SELENOI: variants seen among roughly 807,000 people sequenced by gnomAD.
SELENOI encodes the protein ethanolaminephosphotransferase 1.
In SELENOI, 24 loss-of-function variants were observed where a neutral mutation model predicts 50.7. That is an observed-to-expected ratio of 0.47 (90% CI 0.34 to 0.67). SELENOI has a LOEUF of 0.67. Among genes scored for constraint, SELENOI ranks in the 30% least tolerant of loss-of-function variants. The probability of loss-of-function intolerance (pLI) is 0.01; values close to 1 mark genes in which losing one functional copy is unlikely to be tolerated. For synonymous variants in SELENOI, 155 were observed against 170.2 expected (o/e 0.91, Z 0.70); for missense variants, 352 against 461.4 (o/e 0.76, Z 2.17).
Position 26,346,294 on chromosome 2 carries a change from C to T in SELENOI, c.57+5C>T, listed in dbSNP as rs1309049900. 3.7e-6 allele frequency: 6 copies of T among 1,605,712 alleles called. No individual in the cohort carries two copies. Among genetic ancestry groups the T allele is most frequent in the Non-Finnish European group, 4.3e-6 (5 of 1,175,016 alleles). ...GCTGGCTTTGATAAGTACAAGGTAC[C>T]GCGGGCCGGCGGATGCCCCTCTCCC... On this transcript the variant is annotated splice_donor_5th_base_variant and intron_variant, in intron 1 of 9. Transcript: ENST00000260585.
At position 26,370,315 on chromosome 2, in the gene SELENOI, C is replaced by G. The variant is rs372412522; in HGVS notation, c.311-3052C>G. ...CTCAATCTTTTCCCCACCTTTCCCCCCTTTCTATTCCACAAAGCCGCCATT... is the reference window on the plus strand; with the variant it reads ...CTCAATCTTTTCCCCACCTTTCCCCGCTTTCTATTCCACAAAGCCGCCATT... On this transcript the variant is annotated intron_variant, in intron 4 of 9. Transcript: ENST00000260585. Among the ~76,000 whole-genome samples the G allele has an allele frequency of 7.5e-3, 1,140 of 151,808 alleles. 76 individuals carry two copies. In the East Asian group the frequency reaches 0.18, roughly 24 times the overall value.
chr2:26,353,412 T>C (rs192727580), intron 1 of SELENOI, among the ~76,000 whole-genome samples: 29 of 152,288 alleles, frequency 1.9e-4, no homozygotes, highest in East Asian at 9.6e-4. Context: ...AGAGCCTCAA[T>C]AGAACATGAG....
At chr2:26,370,645 G>A (rs1274636667) in intron 4 of SELENOI, among the ~76,000 whole-genome samples, 2 of 74,306 alleles carry the variant, frequency 2.7e-5, no homozygotes, top group East Asian at 4.1e-4. Flanking sequence ...CAGACGGGGC[G>A]GCTGGCCGGG....
At chr2:26,372,621 G>A (rs780116188) in intron 4 of SELENOI, among the ~76,000 whole-genome samples, 6 of 152,242 alleles carry the variant, frequency 3.9e-5, no homozygotes, top group Non-Finnish European at 7.3e-5. Flanking sequence ...GGATAGAATA[G>A]ATGTTGTGAC....
chr2:26,377,808 C>T (rs1390956389), intron 6 of SELENOI, among the ~76,000 whole-genome samples: 1 of 152,036 alleles, frequency 6.6e-6, no homozygotes, highest in Non-Finnish European at 1.5e-5. Flanking sequence ...CATCTGGGCC[C>T]ACTTAAGAGT....
intron 1 of SELENOI, among the ~76,000 whole-genome samples, chr2:26,347,367 A>G (rs1676815436): frequency 6.6e-6 from 1 of 151,952 alleles, no homozygotes; most frequent in East Asian, 1.9e-4. Context: ...CATACTAGGC[A>G]CCCAGTAAGC....
intron 1 of SELENOI, 177 bp downstream of exon 1, chr2:26,346,466 C>T: frequency 1.5e-6 from 1 of 681,430 alleles, no homozygotes; most frequent in South Asian, 2.4e-5. Context: ...GTGGGAGCAT[C>T]CTAAGCCCGC....
chr2:26,383,836 T>C (rs1034035841), intron 7 of SELENOI, among the ~76,000 whole-genome samples: 7 of 152,076 alleles, frequency 4.6e-5, no homozygotes, highest in East Asian at 1.9e-4. Context: ...ATCGCGCCAC[T>C]GCACTCCAGC....
rs1265289225 is a variant in SELENOI, at chr2:26,364,768, TGTA to T, written c.127-60_127-58del. 3 of 1,131,186 alleles carry T rather than the reference TGTA, an allele frequency of 2.7e-6. 1 individual carries two copies. In the South Asian group the frequency reaches 4.6e-5, roughly 17 times the overall value. 70.1% of individuals were successfully genotyped at this position (1,131,186 alleles called of 1,614,324 possible). A position where few individuals can be genotyped will look rare whatever the true frequency, so the allele number is the denominator to read the frequency against. On this transcript the variant is annotated intron_variant, in intron 2 of 9. Coordinates refer to ENST00000260585, the MANE Select transcript of SELENOI (RefSeq NM_033505.4). ...TTTATTATGACTTCAGTTTGCATGT[TGTA>T]GTATACATTGGACAGAGATTCCTCT...
intron 1 of SELENOI, among the ~76,000 whole-genome samples, chr2:26,352,461 A>C (rs1574748253): frequency 6.6e-6 from 1 of 152,194 alleles, no homozygotes; most frequent in Admixed American, 6.5e-5. Context: ...AGTTATGTTT[A>C]ATTTGGCCCA....
chr2:26,388,733 A>G (rs1677900845), intron 9 of SELENOI, among the ~76,000 whole-genome samples: 1 of 152,198 alleles, frequency 6.6e-6, no homozygotes. Flanking sequence ...AACTAATCCT[A>G]TAGTTTTTCA....
intron 1 of SELENOI, among the ~76,000 whole-genome samples, chr2:26,355,714 C>T (rs755822618): frequency 1.3e-5 from 2 of 149,296 alleles, no homozygotes; most frequent in Non-Finnish European, 3.0e-5. Context: ...TCTCTGTGGG[C>T]GTAGTTCTTC....
At chr2:26,379,938 A>G (rs1677649840) in intron 6 of SELENOI, among the ~76,000 whole-genome samples, 1 of 152,228 alleles carries the variant, frequency 6.6e-6, no homozygotes, top group African/African-American at 2.4e-5. Flanking sequence ...TACCTAAATC[A>G]GCAAACAGAG....
chr2:26,384,852 G>T, intron 7 of SELENOI, 107 bp from the exon 8 acceptor site: 1 of 716,542 alleles, frequency 1.4e-6, no homozygotes. Flanking sequence ...CAAGATTATT[G>T]TGAGTATAAA....
intron 1 of SELENOI, among the ~76,000 whole-genome samples, chr2:26,361,297 C>T (rs1236386339): frequency 6.6e-6 from 1 of 152,202 alleles, no homozygotes; most frequent in African/African-American, 2.4e-5. Flanking sequence ...CACAGAGAGT[C>T]CTGGGGCCAA....
rs1282250931 is a variant in SELENOI at position 26,395,189 on chromosome 2, T to C, written c.*6086T>C. ...ATTCACTACATATGTATGTATGATA[T>C]ATTCATATATACATGCAGTCTGCTT... On this transcript the variant is annotated 3_prime_UTR_variant, in exon 10 of 10. Transcript: ENST00000260585. The C allele has an allele frequency of 6.6e-6, 1 of 152,216 alleles. No individual in the cohort carries two copies. Among genetic ancestry groups the C allele is most frequent in the Non-Finnish European group, 1.5e-5 (1 of 68,042 alleles). The allele number at this position is 152,216 out of a possible 1,614,324, so 9.4% of individuals were successfully genotyped here.
At chr2:26,372,925 G>T (rs930308759) in intron 4 of SELENOI, among the ~76,000 whole-genome samples, 1 of 152,148 alleles carries the variant, frequency 6.6e-6, no homozygotes, top group Non-Finnish European at 1.5e-5. Context: ...ATCTCGCTCT[G>T]TTGCCCAGAC....
chr2:26,388,666 A>C (rs900538073), intron 9 of SELENOI, among the ~76,000 whole-genome samples: 4 of 152,200 alleles, frequency 2.6e-5, no homozygotes, highest in African/African-American at 9.6e-5. Context: ...AATGTTTAGC[A>C]AGCTGAATAT....
At chr2:26,376,147 C>T (rs1174985100) in intron 6 of SELENOI, among the ~76,000 whole-genome samples, 1 of 151,194 alleles carries the variant, frequency 6.6e-6, no homozygotes, top group Non-Finnish European at 1.5e-5. Context: ...TTTGGTGAAC[C>T]TTGGTAATGG....
Sources: allele counts gnomAD v4.1 joint callset (sites outside exome capture counted in the v4.1 genomes callset), GRCh38; gene constraint gnomAD v4.1.1; transcripts MANE v1.5; gene names NCBI Gene and HGNC (gene_info 2026-07-23, HGNC 2026-07-21).